ZNF704: variants seen among roughly 807,000 people sequenced by gnomAD.
ZNF704 encodes the protein glucocorticoid induced gene 1.
ZNF704 carries 10 observed loss-of-function variants against 44.7 expected under a neutral mutation model. The observed-to-expected ratio is 0.22, with a 90% CI of 0.14 to 0.38. The LOEUF (loss-of-function observed/expected upper bound fraction) is 0.38. ZNF704 is among the 10% of genes least tolerant of loss of function. ZNF704 has a pLI of 1.00. For missense variants in ZNF704, 390 were observed against 545.5 expected (o/e 0.71, Z 2.84); for synonymous variants, 211 against 207.6 (o/e 1.02, Z -0.14).
chr8:80,876,913 T>C (rs997700195), upstream of ZNF704, among the ~76,000 whole-genome samples: 1 of 152,134 alleles, frequency 6.6e-6, no homozygotes, highest in Non-Finnish European at 1.5e-5. Flanking sequence ...CGGAGGACCA[T>C]GGTCAGGCCA....
At chr8:80,821,728 G>T (rs1038122026) in intron 1 of ZNF704, 113 bp from the exon 2 acceptor site, 2 of 762,050 alleles carry the variant, frequency 2.6e-6, no homozygotes, top group Non-Finnish European at 4.3e-6. Flanking sequence ...TCATCTGAAA[G>T]ATTGTATAAT....
At chr8:80,851,864 T>C (rs1259101580) in intron 1 of ZNF704, among the ~76,000 whole-genome samples, 2 of 152,176 alleles carry the variant, frequency 1.3e-5, no homozygotes, top group Non-Finnish European at 2.9e-5. Context: ...TCTATTCTCA[T>C]GGTTTAAGGA....
chr8:80,642,430 A>G (rs1000637309), intron 8 of ZNF704, among the ~76,000 whole-genome samples: 1 of 152,190 alleles, frequency 6.6e-6, no homozygotes. Context: ...GTTACAGTCA[A>G]TCTAATGGGC....
chr8:80,680,514 A>G (rs1818436776), intron 4 of ZNF704, among the ~76,000 whole-genome samples: 1 of 152,124 alleles, frequency 6.6e-6, no homozygotes, highest in Non-Finnish European at 1.5e-5. Flanking sequence ...AGTTGGCTGC[A>G]TTATACAAAC....
At chr8:80,645,190 G>A in intron 7 of ZNF704, 1 of 1,579,978 alleles carries the variant, frequency 6.3e-7, no homozygotes, top group Non-Finnish European at 8.6e-7. Context: ...CGGTTTGCTA[G>A]CCTTCAGCCC....
intron 2 of ZNF704, among the ~76,000 whole-genome samples, chr8:80,734,406 TTCAAATA>T (rs1806631887): frequency 6.6e-6 from 1 of 152,238 alleles, no homozygotes; most frequent in Non-Finnish European, 1.5e-5. Context: ...GAAGAAATGT[TTCAAATA>T]TATAAGGAAG....
intron 4 of ZNF704, among the ~76,000 whole-genome samples, chr8:80,682,980 G>T (rs1818477480): frequency 6.6e-6 from 1 of 152,186 alleles, no homozygotes; most frequent in South Asian, 2.1e-4. Context: ...CATGGAAAGG[G>T]CACACAAATC....
At chr8:80,648,187 A>G (rs142357437) in intron 7 of ZNF704, among the ~76,000 whole-genome samples, 1 of 152,282 alleles carries the variant, frequency 6.6e-6, no homozygotes, top group African/African-American at 2.4e-5. Context: ...ACACTGCTGC[A>G]CTGGGGATTA....
chr8:80,632,145 T>C lies in ZNF704; in HGVS notation c.*9221A>G, dbSNP rs982525199. On this transcript the variant is annotated 3_prime_UTR_variant, in exon 9 of 9. Coordinates refer to ENST00000327835, the MANE Select transcript of ZNF704 (RefSeq NM_001033723.3). ...GGATGTAGAGAGAATTCAGAAGAAA[T>C]AGATGAGCACCTTTGTTTTTTTCTG... 4.6e-5 allele frequency: 7 copies of C among 152,286 alleles called. No homozygotes were observed. In the South Asian group the frequency reaches 1.4e-3, roughly 32 times the overall value. 9.4% of individuals were successfully genotyped at this position (152,286 alleles called of 1,614,324 possible). A position where few individuals can be genotyped will look rare whatever the true frequency, so the allele number is the denominator to read the frequency against.
At chr8:80,671,289 A>G (rs1054904551) in intron 4 of ZNF704, among the ~76,000 whole-genome samples, 2 of 152,140 alleles carry the variant, frequency 1.3e-5, no homozygotes, top group African/African-American at 4.8e-5. Flanking sequence ...CACCATGCCT[A>G]GCTAATTTTT....
intron 1 of ZNF704, among the ~76,000 whole-genome samples, chr8:80,841,166 T>A (rs1227420096): frequency 1.3e-5 from 2 of 152,218 alleles, no homozygotes; most frequent in Non-Finnish European, 2.9e-5. Flanking sequence ...TGCCACTGTG[T>A]TTGCCAAATC....
At chr8:80,658,376 TG>T (rs2131603905) in intron 7 of ZNF704, among the ~76,000 whole-genome samples, 1 of 147,986 alleles carries the variant, frequency 6.8e-6, no homozygotes, top group African/African-American at 2.6e-5. Flanking sequence ...GGTCTTTTTA[TG>T]TCTACCAAAA....
chr8:80,848,996 C>A (rs1808813717), intron 1 of ZNF704, among the ~76,000 whole-genome samples: 1 of 152,096 alleles, frequency 6.6e-6, no homozygotes, highest in Non-Finnish European at 1.5e-5. Flanking sequence ...TAAGCCATCA[C>A]TACTGTTCCA....
intron 2 of ZNF704, among the ~76,000 whole-genome samples, chr8:80,745,263 A>T (rs1288779042): frequency 6.6e-6 from 1 of 152,178 alleles, no homozygotes; most frequent in African/African-American, 2.4e-5. Flanking sequence ...TTTTAAAGCC[A>T]TGTCACATTG....
At chr8:80,737,437 G>A (rs1421264481) in intron 2 of ZNF704, among the ~76,000 whole-genome samples, 3 of 152,166 alleles carry the variant, frequency 2.0e-5, no homozygotes, top group Admixed American at 6.5e-5. Context: ...CCTGTGGGTC[G>A]CTTTGTGAAG....
rs1169999694 is a variant in ZNF704 at position 80,861,268 on chromosome 8, A to C, written c.-22+13303T>G. ...CCCCTTGAGCTTTGATGACCCCACC[A>C]CTGGAGTATATTTATTGGATATTTG... On this transcript the variant is annotated intron_variant, in intron 1 of 8. Coordinates refer to ENST00000327835, the MANE Select transcript of ZNF704 (RefSeq NM_001033723.3). 6.6e-5 allele frequency among the ~76,000 whole-genome samples: 10 copies of C among 152,202 alleles called. 1 individual carries two copies. The South Asian group carries it at 2.1e-3, about 31-fold the overall frequency.
intron 7 of ZNF704, among the ~76,000 whole-genome samples, chr8:80,644,739 C>G (rs1817800321): frequency 6.6e-6 from 1 of 152,344 alleles, no homozygotes; most frequent in Non-Finnish European, 1.5e-5. Flanking sequence ...ACAGAGCACT[C>G]ATCTGGCTGG....
At chr8:80,817,901 G>A (rs936037677) in intron 2 of ZNF704, among the ~76,000 whole-genome samples, 4 of 152,160 alleles carry the variant, frequency 2.6e-5, no homozygotes, top group Admixed American at 2.0e-4. Flanking sequence ...TTTAAAATTA[G>A]CTACATATGT....
intron 3 of ZNF704, among the ~76,000 whole-genome samples, chr8:80,689,625 T>C (rs1818598669): frequency 6.6e-6 from 1 of 152,228 alleles, no homozygotes; most frequent in Non-Finnish European, 1.5e-5. Flanking sequence ...GTAGTATGCA[T>C]TTGTAAAATA....
Sources: gnomAD v4.1 joint callset for allele counts (sites outside exome capture counted in the v4.1 genomes callset) on GRCh38, gnomAD v4.1.1 for gene constraint, MANE v1.5 for transcripts, NCBI Gene and HGNC (gene_info 2026-07-23, HGNC 2026-07-21) for gene names.